Variants in CAMKMT observed in about 807,000 individuals in gnomAD.
The protein encoded by CAMKMT is calmodulin-lysine N-methyltransferase, also known as CaM KMT.
CAMKMT carries 53 observed loss-of-function variants against 48.0 expected under a neutral mutation model. That is an observed-to-expected ratio of 1.10 (90% CI 0.89 to 1.39). The LOEUF is 1.39. CAMKMT is among the 40% of genes most tolerant of loss of function. The pLI, the probability that CAMKMT is intolerant of heterozygous loss-of-function variation, is 0.00. For missense variants in CAMKMT, 428 were observed against 402.7 expected (o/e 1.06, Z -0.54); for synonymous variants, 165 against 152.3 (o/e 1.08, Z -0.61).
intron 3 of CAMKMT, among the ~76,000 whole-genome samples, chr2:44,410,600 T>G (rs1192227353): frequency 6.6e-6 from 1 of 151,998 alleles, no homozygotes; most frequent in Admixed American, 6.6e-5. Context: ...AAGCCCAACA[T>G]AGACTCTGAT....
rs541471130 is a variant in CAMKMT, at chr2:44,691,717, G to C, written c.377-12566G>C. On this transcript the variant is annotated intron_variant, in intron 3 of 10. Transcript: ENST00000378494. ...AGAATAACAGGTCTATAATCAGATT[G>C]CCTGGGCTCAAATTCCAGCTCTGTG... 2.0e-5 allele frequency among the ~76,000 whole-genome samples: 3 copies of C among 152,252 alleles called. No homozygotes were observed. In the South Asian group the frequency reaches 6.2e-4, roughly 32 times the overall value.
chr2:44,402,580 G>A (rs1682477044), intron 3 of CAMKMT, among the ~76,000 whole-genome samples: 1 of 151,590 alleles, frequency 6.6e-6, no homozygotes, highest in South Asian at 2.1e-4. Flanking sequence ...GCACTTTTCA[G>A]TTTAGAAAGT....
intron 7 of CAMKMT, among the ~76,000 whole-genome samples, chr2:44,724,345 G>A (rs907697770): frequency 2.0e-5 from 3 of 152,146 alleles, no homozygotes; most frequent in East Asian, 1.9e-4. Context: ...CTTCTGAAAC[G>A]AGATTTTCAA....
chr2:44,540,665 C>T (rs762377572), intron 3 of CAMKMT, among the ~76,000 whole-genome samples: 11 of 152,216 alleles, frequency 7.2e-5, no homozygotes, highest in East Asian at 3.9e-4. Flanking sequence ...GTGGGAGGAA[C>T]GCTGGACCCT....
chr2:44,436,186 G>A (rs1040324985), intron 3 of CAMKMT, among the ~76,000 whole-genome samples: 5 of 152,054 alleles, frequency 3.3e-5, no homozygotes, highest in African/African-American at 7.2e-5. Flanking sequence ...AGCGATTCTC[G>A]TGCCTCAGCC....
chr2:44,376,418 TCA>T lies in CAMKMT; in HGVS notation c.311+3531_311+3532del, dbSNP rs1491133726. On this transcript the variant is annotated intron_variant, in intron 2 of 10. Transcript: ENST00000378494. ...CCTGGTGACGAAGTGAGACTCTGTA[TCA>T]AAAAAAAAAAAAAAAAATAGACACT... is the stretch of plus-strand genomic sequence containing the variant. 4.8e-5 allele frequency among the ~76,000 whole-genome samples: 6 copies of T among 124,610 alleles called. No individual in the cohort carries two copies. The East Asian group carries it at 1.1e-3, about 23-fold the overall frequency. The allele number at this position is 124,610 out of a possible 152,430, so 81.7% of individuals were successfully genotyped here.
chr2:44,663,731 C>G (rs1002216783), intron 3 of CAMKMT, among the ~76,000 whole-genome samples: 1 of 152,170 alleles, frequency 6.6e-6, no homozygotes, highest in African/African-American at 2.4e-5. Flanking sequence ...CTCCTAAACT[C>G]TATTTATTTC....
chr2:44,470,092 CA>C (rs1668337157), intron 3 of CAMKMT, among the ~76,000 whole-genome samples: 1 of 151,768 alleles, frequency 6.6e-6, no homozygotes, highest in Non-Finnish European at 1.5e-5. Flanking sequence ...AAGAACTTTC[CA>C]TGAGATTCAA....
At chr2:44,542,887 G>C (rs1482325690) in intron 3 of CAMKMT, among the ~76,000 whole-genome samples, 1 of 152,162 alleles carries the variant, frequency 6.6e-6, no homozygotes, top group Non-Finnish European at 1.5e-5. Flanking sequence ...ATTTAGGTCA[G>C]ATGGCGGGAG....
chr2:44,725,772 T>A (rs1384396546), intron 7 of CAMKMT, among the ~76,000 whole-genome samples: 3 of 151,336 alleles, frequency 2.0e-5, no homozygotes, highest in African/African-American at 7.3e-5. Flanking sequence ...CACACTGGGG[T>A]GAAAGGGGAG....
chr2:44,568,874 A>G lies in CAMKMT; in HGVS notation c.377-135409A>G, dbSNP rs184093401. ...CGGAAGCCCAGACCACAGAACAGGA[A>G]CGAGGGAGATGGCAGTGGAAGAGAA... On this transcript the variant is annotated intron_variant, in intron 3 of 10. Coordinates refer to ENST00000378494, the MANE Select transcript of CAMKMT (RefSeq NM_024766.5). Among the ~76,000 whole-genome samples, 4 of 152,322 alleles carry G rather than the reference A, an allele frequency of 2.6e-5. No homozygotes were observed. The South Asian group carries it at 6.2e-4, about 24-fold the overall frequency.
Position 44,772,215 on chromosome 2 carries a change from T to C in CAMKMT, c.*102T>C. The C allele has an allele frequency of 1.1e-6, 1 of 929,534 alleles. No homozygotes were observed. Among genetic ancestry groups the C allele is most frequent in the Non-Finnish European group, 1.7e-6 (1 of 593,738 alleles). 57.6% of individuals were successfully genotyped at this position (929,534 alleles called of 1,614,324 possible). On this transcript the variant is annotated 3_prime_UTR_variant, in exon 11 of 11. Coordinates refer to ENST00000378494, the MANE Select transcript of CAMKMT (RefSeq NM_024766.5). ...GGGTATAATCGCCTGCCTGCGCCCTTTGCAGCATTTCACGTGTGGGCTATG... is the reference window on the plus strand; with the variant it reads ...GGGTATAATCGCCTGCCTGCGCCCTCTGCAGCATTTCACGTGTGGGCTATG...
chr2:44,372,855 G>A lies in CAMKMT; in HGVS notation c.278G>A (p.Ser93Asn), dbSNP rs1277647151. 5 of 1,613,848 alleles carry A rather than the reference G, an allele frequency of 3.1e-6. No homozygotes were observed. Among genetic ancestry groups the A allele is most frequent in the African/African-American group, 1.3e-5 (1 of 75,028 alleles). ...GTTGGTGCATGGGTCCAATATACAA[G>A]CATCTTCTGTCCTGAATACAGTATC... The part of the protein sequence containing the change: ...EEVGAWVQYT[S>N]IFCPEYSISL... Residue 93 changes from serine (S) to asparagine (N), a missense_variant, in exon 2 of 11, where the codon AGC becomes AAC. Coordinates refer to ENST00000378494, the MANE Select transcript of CAMKMT (RefSeq NM_024766.5).
intron 6 of CAMKMT, among the ~76,000 whole-genome samples, chr2:44,714,613 G>T (rs1204567491): frequency 1.3e-5 from 2 of 152,122 alleles, no homozygotes; most frequent in East Asian, 3.9e-4. Context: ...GCATTTAGGA[G>T]ATTGGAAATA....
chr2:44,372,983 GTTTACGGGCAATCT>G, intron 2 of CAMKMT, 95 bp downstream of exon 2: 1 of 1,153,644 alleles, frequency 8.7e-7, no homozygotes, highest in Non-Finnish European at 1.2e-6. Context: ...ATTCTATTGA[GTTTACGGGCAATCT>G]TTTTCAGAAC....
intron 3 of CAMKMT, among the ~76,000 whole-genome samples, chr2:44,463,936 A>T (rs1326524111): frequency 6.6e-6 from 1 of 152,226 alleles, no homozygotes. Flanking sequence ...AACAAGGCAC[A>T]CAAAGAAACA....
intron 1 of CAMKMT, among the ~76,000 whole-genome samples, chr2:44,370,449 T>G (rs1679039840): frequency 6.6e-6 from 1 of 152,220 alleles, no homozygotes; most frequent in African/African-American, 2.4e-5. Flanking sequence ...ATTTTTAAAG[T>G]TAGTTTTCAT....
intron 3 of CAMKMT, among the ~76,000 whole-genome samples, chr2:44,687,422 ATTTG>A (rs1408843153): frequency 1.3e-5 from 2 of 152,170 alleles, no homozygotes; most frequent in East Asian, 3.9e-4. Flanking sequence ...TTCAGTAAAT[ATTTG>A]TTTGGATGAA....
intron 10 of CAMKMT, among the ~76,000 whole-genome samples, chr2:44,770,078 G>A (rs570709916): frequency 2.2e-4 from 33 of 152,286 alleles, no homozygotes; most frequent in Non-Finnish European, 4.1e-4. Flanking sequence ...CTTTCAAGGT[G>A]CCTTTTGATA....
Sources: allele counts gnomAD v4.1 joint callset (sites outside exome capture counted in the v4.1 genomes callset), GRCh38; gene constraint gnomAD v4.1.1; transcripts MANE v1.5; gene names NCBI Gene and HGNC (gene_info 2026-07-23, HGNC 2026-07-21).